RBFOX3: variants seen among roughly 807,000 people sequenced by gnomAD.
RBFOX3 encodes RNA binding protein fox-1 homolog 3.
A neutral mutation model predicts 48.7 loss-of-function variants in RBFOX3; 17 were observed. That is an observed-to-expected ratio of 0.35 (90% CI 0.24 to 0.52). The LOEUF (loss-of-function observed/expected upper bound fraction) is 0.52. Ranked by LOEUF, RBFOX3 falls within the 20% of genes least tolerant of loss-of-function variation. RBFOX3 has a pLI of 0.94. For missense variants in RBFOX3, 382 were observed against 497.5 expected, an observed-to-expected ratio of 0.77 and a Z score of 2.21; for synonymous variants, 212 against 209.5, an observed-to-expected ratio of 1.01 and a Z score of -0.10.
intron 2 of RBFOX3, among the ~76,000 whole-genome samples, chr17:79,416,883 G>T (rs1388994275): frequency 6.6e-6 from 1 of 152,276 alleles, no homozygotes; most frequent in Non-Finnish European, 1.5e-5. Flanking sequence ...TGGGGATGCG[G>T]CTCTCCCTCC....
the RBFOX3 span, among the ~76,000 whole-genome samples, chr17:79,654,854 T>C: frequency 2.0e-5 from 3 of 152,164 alleles, no homozygotes; most frequent in Non-Finnish European, 4.4e-5. Context: ...CCTCTCCCTC[T>C]CTCTGAAGCA....
chr17:79,631,139 A>G, the RBFOX3 span, among the ~76,000 whole-genome samples: 2 of 151,980 alleles, frequency 1.3e-5, no homozygotes, highest in African/African-American at 2.4e-5. Context: ...GGTGCAGTCA[A>G]CCCTCTGGGG....
At chr17:79,611,183 T>TTCTCTCTCTC (rs1196349028), upstream of RBFOX3, among the ~76,000 whole-genome samples, 162 of 41,488 alleles carry the variant, frequency 3.9e-3, 10 homozygotes, top group African/African-American at 0.017. Flanking sequence ...TCCGCCCTCC[T>TTCTCTCTCTC]TCTCTCTCTC....
At chr17:79,138,076 G>A (rs746249035) in intron 4 of RBFOX3, among the ~76,000 whole-genome samples, 6 of 152,122 alleles carry the variant, frequency 3.9e-5, no homozygotes, top group Non-Finnish European at 7.4e-5. Context: ...GCCCACTCAC[G>A]CGGACAAGGC....
chr17:79,125,196 T>C (rs9898118), intron 4 of RBFOX3, among the ~76,000 whole-genome samples: 65,570 of 152,072 alleles, frequency 0.43, 14,903 homozygotes, highest in African/African-American at 0.55. Context: ...GACAGGCAGG[T>C]GGGGCCCTGA....
At chr17:79,101,465 A>G in intron 9 of RBFOX3, 119 bp downstream of exon 9, 1 of 895,328 alleles carries the variant, frequency 1.1e-6, no homozygotes. Flanking sequence ...GGGCTGGGAC[A>G]CTGGGGACGG....
chr17:79,302,953 C>G (rs1291432041), intron 3 of RBFOX3, among the ~76,000 whole-genome samples: 5 of 152,164 alleles, frequency 3.3e-5, no homozygotes, highest in Non-Finnish European at 7.3e-5. Flanking sequence ...CCTGTGATCC[C>G]AGCACTTTGG....
intron 2 of RBFOX3, among the ~76,000 whole-genome samples, chr17:79,354,945 C>A (rs909650226): frequency 2.6e-5 from 4 of 152,164 alleles, no homozygotes; most frequent in Admixed American, 6.5e-5. Flanking sequence ...CTTGGTTCGG[C>A]GTCAGCTAAC....
At chr17:79,656,760 A>G in the RBFOX3 span, among the ~76,000 whole-genome samples, 2,925 of 22,258 alleles carry the variant, frequency 0.13, 48 homozygotes, top group East Asian at 0.37. Flanking sequence ...GAAGGAAGGA[A>G]GGAAGGAAGG....
intron 2 of RBFOX3, among the ~76,000 whole-genome samples, chr17:79,449,485 C>T (rs1362564591): frequency 6.6e-6 from 1 of 152,172 alleles, no homozygotes; most frequent in Non-Finnish European, 1.5e-5. Context: ...ATTCATCCAA[C>T]AAAACCATTC....
chr17:79,485,102 G>A (rs1260393501), intron 1 of RBFOX3, among the ~76,000 whole-genome samples: 5 of 152,108 alleles, frequency 3.3e-5, no homozygotes, highest in African/African-American at 1.2e-4. Context: ...CAGCCCCAAA[G>A]CAGAGGCTGC....
intron 1 of RBFOX3, among the ~76,000 whole-genome samples, chr17:79,587,856 C>G (rs1254190449): frequency 6.6e-6 from 1 of 152,070 alleles, no homozygotes; most frequent in African/African-American, 2.4e-5. Context: ...GGTCTTTTTT[C>G]TTTTTAGAGA....
chr17:79,443,514 C>T lies in RBFOX3; in HGVS notation c.-175+38940G>A, dbSNP rs1333506096. Among the ~76,000 whole-genome samples the T allele has an allele frequency of 2.0e-5, 3 of 152,072 alleles. No homozygotes were observed. Among genetic ancestry groups the T allele is most frequent in the Non-Finnish European group, 4.4e-5 (3 of 68,014 alleles). On this transcript the variant is annotated intron_variant, in intron 2 of 14. Transcript: ENST00000693108. This position sits in a 1 kb window ranked among gnomAD's most constrained non-coding sequence, Gnocchi z 4.4. ...CTCCTTGCCTCAGCCTCTTGAGTAG[C>T]TGGGATTATAGGCACCTGACACCAC...
chr17:79,139,484 G>T (rs1363816426), intron 4 of RBFOX3, among the ~76,000 whole-genome samples: 4 of 152,230 alleles, frequency 2.6e-5, no homozygotes, highest in Non-Finnish European at 4.4e-5. Flanking sequence ...TCATTGGCTC[G>T]TGAAGAGCTC....
the RBFOX3 span, among the ~76,000 whole-genome samples, chr17:79,643,821 T>C: frequency 2.6e-5 from 4 of 152,300 alleles, no homozygotes; most frequent in South Asian, 4.1e-4. Flanking sequence ...AGCTTTAATA[T>C]GCTTATATTA....
chr17:79,483,027 C>G (rs1358122595), intron 1 of RBFOX3, among the ~76,000 whole-genome samples: 5 of 152,084 alleles, frequency 3.3e-5, no homozygotes, highest in African/African-American at 1.2e-4. Context: ...ACTCTCCCAG[C>G]TACTTTGTCC....
chr17:79,382,915 G>A (rs1326415956), intron 2 of RBFOX3, among the ~76,000 whole-genome samples: 1 of 152,142 alleles, frequency 6.6e-6, no homozygotes, highest in East Asian at 1.9e-4. Context: ...GGGAGGCCAG[G>A]GTGACTAACT....
chr17:79,609,975 G>GC (rs2093933481), intron 1 of RBFOX3, among the ~76,000 whole-genome samples: 2 of 152,036 alleles, frequency 1.3e-5, no homozygotes, highest in Non-Finnish European at 2.9e-5. Context: ...GGCTTTCCCA[G>GC]CCCGGCCGCG....
intron 1 of RBFOX3, among the ~76,000 whole-genome samples, chr17:79,513,647 C>T (rs940033884): frequency 6.6e-6 from 1 of 152,212 alleles, no homozygotes; most frequent in Non-Finnish European, 1.5e-5. Context: ...TTACCAGCCA[C>T]GTGGCCTCGG....
Sources: gnomAD v4.1 joint callset for allele counts (sites outside exome capture counted in the v4.1 genomes callset) on GRCh38, gnomAD v4.1.1 for gene constraint, Gnocchi (gnomAD v3.1) non-coding constraint, MANE v1.5 for transcripts, NCBI Gene and HGNC (gene_info 2026-07-23, HGNC 2026-07-21) for gene names.